The following PLGRKT variants were observed in gnomAD, a reference collection of about 807,000 sequenced individuals.
The protein encoded by PLGRKT is plasminogen receptor with a C-terminal lysine.
Under a neutral mutation model 18.5 loss-of-function variants are expected in PLGRKT, and 22 were observed. The ratio of observed to expected loss-of-function variants is 1.19; its 90% CI spans 0.85 to 1.70. The LOEUF (loss-of-function observed/expected upper bound fraction) is 1.70. PLGRKT is among the 40% of genes most tolerant of loss of function. The probability of loss-of-function intolerance (pLI) is 0.00; values close to 1 mark genes in which losing one functional copy is unlikely to be tolerated. For missense variants in PLGRKT, 235 were observed against 174.4 expected, an observed-to-expected ratio of 1.35 and a Z score of -1.96; for synonymous variants, 72 against 52.8, an observed-to-expected ratio of 1.36 and a Z score of -1.58.
intron 3 of PLGRKT, among the ~76,000 whole-genome samples, chr9:5,374,427 G>A (rs929858793): frequency 1.3e-5 from 2 of 152,140 alleles, no homozygotes; most frequent in African/African-American, 4.8e-5. Context: ...ACAAGACATG[G>A]TCTTTAAAAA....
intron 3 of PLGRKT, among the ~76,000 whole-genome samples, chr9:5,378,531 C>A (rs1343144251): frequency 6.6e-6 from 1 of 152,160 alleles, no homozygotes; most frequent in Non-Finnish European, 1.5e-5. Flanking sequence ...CTAGCCCATG[C>A]TCTTGGAAGT....
intron 3 of PLGRKT, among the ~76,000 whole-genome samples, chr9:5,386,369 C>T (rs969547734): frequency 2.0e-5 from 3 of 151,906 alleles, no homozygotes; most frequent in African/African-American, 7.3e-5. Flanking sequence ...CATGATTTTG[C>T]CTCCCAGGGG....
At chr9:5,409,487 C>G (rs1818319764) in intron 3 of PLGRKT, among the ~76,000 whole-genome samples, 2 of 152,158 alleles carry the variant, frequency 1.3e-5, no homozygotes, top group African/African-American at 4.8e-5. Flanking sequence ...TGCAGATGGC[C>G]TATTGTGGGA....
intron 3 of PLGRKT, among the ~76,000 whole-genome samples, chr9:5,393,929 T>C (rs2131114622): frequency 6.6e-6 from 1 of 151,972 alleles, no homozygotes; most frequent in East Asian, 1.9e-4. Flanking sequence ...CACTAAAAAC[T>C]ATACCCAGAT....
intron 3 of PLGRKT, among the ~76,000 whole-genome samples, chr9:5,383,914 T>C (rs968552149): frequency 6.6e-6 from 1 of 152,116 alleles, no homozygotes; most frequent in African/African-American, 2.4e-5. Context: ...AGCCAGGGAA[T>C]GGAGGAGAAG....
At chr9:5,417,702 G>A (rs1586738229) in intron 3 of PLGRKT, among the ~76,000 whole-genome samples, 1 of 150,874 alleles carries the variant, frequency 6.6e-6, no homozygotes, top group Admixed American at 6.6e-5. Context: ...CCCCTATTGG[G>A]CTTTCAGTTT....
At chr9:5,383,471 A>C (rs759433848) in intron 3 of PLGRKT, among the ~76,000 whole-genome samples, 22 of 152,206 alleles carry the variant, frequency 1.4e-4, no homozygotes, top group Admixed American at 1.1e-3. Flanking sequence ...GGATGGTTTC[A>C]GGATGATTCA....
intron 3 of PLGRKT, among the ~76,000 whole-genome samples, chr9:5,369,946 G>A (rs1271691207): frequency 6.6e-6 from 1 of 151,178 alleles, no homozygotes; most frequent in East Asian, 1.9e-4. Flanking sequence ...CATGGGGTAG[G>A]GGGACTAGGG....
At chr9:5,382,618 A>G (rs569095388) in intron 3 of PLGRKT, among the ~76,000 whole-genome samples, 6 of 152,330 alleles carry the variant, frequency 3.9e-5, no homozygotes, top group African/African-American at 1.4e-4. Context: ...TTTGCAAGCC[A>G]TGCTAAAGAT....
chr9:5,425,942 TC>T (rs1818689304), intron 3 of PLGRKT, among the ~76,000 whole-genome samples: 1 of 152,244 alleles, frequency 6.6e-6, no homozygotes, highest in African/African-American at 2.4e-5. Context: ...CTTCTATTTA[TC>T]CTTCTCATGA....
chr9:5,412,750 T>C (rs545433736), intron 3 of PLGRKT, among the ~76,000 whole-genome samples: 1 of 152,204 alleles, frequency 6.6e-6, no homozygotes, highest in South Asian at 2.1e-4. Flanking sequence ...GTAGAGTAAA[T>C]AAAATATTGG....
chr9:5,429,798 T>A (rs1016604847), intron 3 of PLGRKT, among the ~76,000 whole-genome samples: 1 of 152,206 alleles, frequency 6.6e-6, no homozygotes. Context: ...TTTCAACCCA[T>A]AACACACCCC....
intron 3 of PLGRKT, among the ~76,000 whole-genome samples, chr9:5,370,073 G>C (rs956132755): frequency 8.6e-5 from 13 of 151,760 alleles, no homozygotes; most frequent in Admixed American, 1.3e-4. Flanking sequence ...GGAATTTAAA[G>C]TATAATAAAA....
At chr9:5,416,388 G>T (rs576222351) in intron 3 of PLGRKT, among the ~76,000 whole-genome samples, 1 of 152,056 alleles carries the variant, frequency 6.6e-6, no homozygotes, top group Non-Finnish European at 1.5e-5. Context: ...TTTGAAATAT[G>T]GTAGGGTGAC....
intron 3 of PLGRKT, among the ~76,000 whole-genome samples, chr9:5,414,867 C>T (rs1408900598): frequency 1.3e-5 from 2 of 152,158 alleles, no homozygotes; most frequent in Admixed American, 6.5e-5. Context: ...TGAAATGTGT[C>T]ACACTGGATT....
chr9:5,382,010 T>TGGG lies in PLGRKT; in HGVS notation c.82-20123_82-20122insCCC, dbSNP rs1206494591. On this transcript the variant is annotated intron_variant, in intron 3 of 5. Transcript: ENST00000223864. Reference sequence around the variant, plus strand: ...TGGCTTGTTTACCCAGTCACAAGACTTAGCAGTTGAAAATGTGCACCCTGA... The same window carrying TGGG: ...TGGCTTGTTTACCCAGTCACAAGACTGGGTAGCAGTTGAAAATGTGCACCCTGA... The TGGG allele has an allele frequency of 4.5e-4, 442 of 985,346 alleles. 2 individuals carry two copies. The highest frequency in any genetic ancestry group is 1.4e-3 in the Admixed American group (22 of 16,290). 61.0% of individuals were successfully genotyped at this position (985,346 alleles called of 1,614,324 possible).
At position 5,377,200 on chromosome 9, in the gene PLGRKT, G is replaced by A. The variant is rs146008171; in HGVS notation, c.82-15312C>T. ...GGAAAGTGCTTAGACACACTGTCAA[G>A]TGCAAAAAGCATAATATAAAATTCT... On this transcript the variant is annotated intron_variant, in intron 3 of 5. Transcript: ENST00000223864. 5.7e-3 allele frequency among the ~76,000 whole-genome samples: 866 copies of A among 151,516 alleles called. 9 individuals are homozygous for A. Among genetic ancestry groups the A allele is most frequent in the African/African-American group, 0.02 (821 of 41,304 alleles).
chr9:5,362,142 C>G (rs1817281232), intron 3 of PLGRKT, among the ~76,000 whole-genome samples: 1 of 152,166 alleles, frequency 6.6e-6, no homozygotes, highest in Non-Finnish European at 1.5e-5. Flanking sequence ...TCTTGACTGC[C>G]TGTGGTCTGG....
intron 5 of PLGRKT, 122 bp from the exon 6 acceptor site, chr9:5,358,482 A>C: frequency 1.4e-6 from 1 of 708,180 alleles, no homozygotes; most frequent in Non-Finnish European, 2.3e-6. Context: ...CCAATCTCAC[A>C]CTTAAACATT....
Sources: allele counts gnomAD v4.1 joint callset (sites outside exome capture counted in the v4.1 genomes callset), GRCh38; gene constraint gnomAD v4.1.1; transcripts MANE v1.5; gene names NCBI Gene and HGNC (gene_info 2026-07-23, HGNC 2026-07-21).